Variants in COP1 observed in about 807,000 individuals in gnomAD.
The protein encoded by COP1 is E3 ubiquitin-protein ligase COP1.
In COP1, 24 loss-of-function variants were observed where a neutral mutation model predicts 101.3. That is an observed-to-expected ratio of 0.24 (90% CI 0.17 to 0.33). The LOEUF is 0.33. Among genes scored for constraint, COP1 ranks in the 10% least tolerant of loss-of-function variants. COP1 has a pLI of 1.00. For missense variants in COP1, 663 were observed against 906.2 expected (o/e 0.73, Z 3.45); for synonymous variants, 347 against 341.9 (o/e 1.01, Z -0.17).
intron 19 of COP1, among the ~76,000 whole-genome samples, chr1:175,946,237 T>C (rs911814855): frequency 6.6e-6 from 1 of 152,296 alleles, no homozygotes; most frequent in Non-Finnish European, 1.5e-5. Context: ...TCAGTGGTTC[T>C]CTAAAGAGGC....
At chr1:176,081,023 C>T in intron 11 of COP1, 129 bp downstream of exon 11, 1 of 811,066 alleles carries the variant, frequency 1.2e-6, no homozygotes. Flanking sequence ...TGCCTAAAAT[C>T]ACAGAACTAA....
intron 5 of COP1, among the ~76,000 whole-genome samples, chr1:176,157,664 C>T (rs1379912058): frequency 1.3e-5 from 2 of 152,138 alleles, no homozygotes; most frequent in Non-Finnish European, 2.9e-5. Flanking sequence ...TTCCAAGTAA[C>T]TTAACTACAT....
intron 9 of COP1, among the ~76,000 whole-genome samples, chr1:176,098,381 G>C (rs542895189): frequency 6.6e-6 from 1 of 152,166 alleles, no homozygotes; most frequent in Non-Finnish European, 1.5e-5. Context: ...AGAAGGTGTG[G>C]AAATGTAAAT....
At chr1:176,083,977 A>G (rs1679652356) in intron 10 of COP1, among the ~76,000 whole-genome samples, 1 of 152,202 alleles carries the variant, frequency 6.6e-6, no homozygotes, top group Non-Finnish European at 1.5e-5. Flanking sequence ...ACTGTCTTGT[A>G]AAGCTACACC....
intron 18 of COP1, among the ~76,000 whole-genome samples, chr1:175,976,058 G>A (rs1654451363): frequency 2.7e-5 from 1 of 37,388 alleles, no homozygotes; most frequent in Non-Finnish European, 1.9e-4. Flanking sequence ...AAAAGATGTA[G>A]AATTAGAAGG....
At chr1:175,977,529 C>A (rs1310336318) in intron 18 of COP1, among the ~76,000 whole-genome samples, 1 of 151,804 alleles carries the variant, frequency 6.6e-6, no homozygotes, top group Non-Finnish European at 1.5e-5. Flanking sequence ...ATTTGGGAAA[C>A]TGGTGAATAA....
At chr1:176,090,487 A>G (rs1681073658) in intron 9 of COP1, among the ~76,000 whole-genome samples, 1 of 152,184 alleles carries the variant, frequency 6.6e-6, no homozygotes, top group South Asian at 2.1e-4. Context: ...AGAAAGTAAG[A>G]TAATTTTCAA....
chr1:176,108,139 T>G (rs1342470579), intron 9 of COP1, among the ~76,000 whole-genome samples: 3 of 152,186 alleles, frequency 2.0e-5, no homozygotes, highest in African/African-American at 7.2e-5. Context: ...CATCAATTTT[T>G]TAATTTTGCT....
chr1:176,165,402 G>A (rs1194261397), intron 3 of COP1, among the ~76,000 whole-genome samples: 1 of 149,278 alleles, frequency 6.7e-6, no homozygotes, highest in South Asian at 2.1e-4. Flanking sequence ...GTGTGTGTGT[G>A]TGTGTAGGAG....
chr1:176,169,344 ATAC>A (rs1298388095), intron 3 of COP1, among the ~76,000 whole-genome samples: 15 of 152,204 alleles, frequency 9.9e-5, no homozygotes, highest in Admixed American at 8.5e-4. Flanking sequence ...GATCAATTGT[ATAC>A]TACTACTAAT....
rs192985335 is a variant in COP1 at position 176,125,847 on chromosome 1, A to G, written c.968+9163T>C. Among the ~76,000 whole-genome samples the G allele has an allele frequency of 7.6e-3, 1,164 of 152,264 alleles. 14 individuals carry two copies. Among genetic ancestry groups the G allele is most frequent in the Non-Finnish European group, 0.013 (911 of 68,012 alleles). The stretch of plus-strand genomic sequence containing the variant: ...ACATTTTAACAATATTGATTCTTCC[A>G]ATCATTAACATGGCATACCTTTCCA... On this transcript the variant is annotated intron_variant, in intron 8 of 19. Coordinates refer to ENST00000367669, the MANE Select transcript of COP1 (RefSeq NM_022457.7).
At chr1:176,064,814 G>GCATTTTGC (rs1047197193) in intron 11 of COP1, among the ~76,000 whole-genome samples, 24 of 151,994 alleles carry the variant, frequency 1.6e-4, no homozygotes, top group African/African-American at 5.8e-4. Context: ...TGTAGAGATG[G>GCATTTTGC]AGTTTCACCA....
intron 18 of COP1, among the ~76,000 whole-genome samples, chr1:175,966,077 C>G (rs1006076208): frequency 6.6e-6 from 1 of 152,106 alleles, no homozygotes; most frequent in African/African-American, 2.4e-5. Flanking sequence ...CTTTTTGTCC[C>G]TGACTTTTCT....
chr1:176,150,132 C>G (rs1692186909), intron 5 of COP1, among the ~76,000 whole-genome samples: 1 of 152,280 alleles, frequency 6.6e-6, no homozygotes, highest in African/African-American at 2.4e-5. Context: ...CAATTAAAAT[C>G]TGAAGAATCA....
At chr1:175,971,393 A>G (rs950040609) in intron 18 of COP1, among the ~76,000 whole-genome samples, 2 of 152,238 alleles carry the variant, frequency 1.3e-5, no homozygotes, top group Non-Finnish European at 2.9e-5. Flanking sequence ...CTTATTAAGC[A>G]AATATACAAA....
Position 176,059,992 on chromosome 1 carries a change from T to G in COP1, c.1278-13668A>C, listed in dbSNP as rs149091286. On this transcript the variant is annotated intron_variant, in intron 11 of 19. Coordinates refer to ENST00000367669, the MANE Select transcript of COP1 (RefSeq NM_022457.7). ...TGCTGACCTTAAACTGTTTTTTTAA[T>G]AGCAACCTGCTAGATAATTGCTGAC... is the stretch of plus-strand genomic sequence containing the variant. Among the ~76,000 whole-genome samples, 425 of 152,330 alleles carry G rather than the reference T, an allele frequency of 2.8e-3. 1 individual carries two copies. Among genetic ancestry groups the G allele is most frequent in the African/African-American group, 9.8e-3 (408 of 41,584 alleles).
chr1:176,141,337 C>T (rs1427776327), intron 6 of COP1, among the ~76,000 whole-genome samples: 3 of 152,010 alleles, frequency 2.0e-5, no homozygotes, highest in African/African-American at 7.2e-5. Flanking sequence ...CCTGTCTCTA[C>T]TAAAAATATA....
chr1:176,014,002 CTGAT>C (rs1192753073), intron 15 of COP1, among the ~76,000 whole-genome samples: 2 of 152,072 alleles, frequency 1.3e-5, no homozygotes, highest in Non-Finnish European at 2.9e-5. Context: ...GGTGGGAACA[CTGAT>C]TAATTATATG....
chr1:176,051,499 G>C (rs1282716497), intron 11 of COP1, among the ~76,000 whole-genome samples: 3 of 152,072 alleles, frequency 2.0e-5, no homozygotes, highest in Non-Finnish European at 4.4e-5. Context: ...ACATATACTT[G>C]AAAATAAACA....
Sources: allele counts gnomAD v4.1 joint callset (sites outside exome capture counted in the v4.1 genomes callset), GRCh38; gene constraint gnomAD v4.1.1; transcripts MANE v1.5; gene names NCBI Gene and HGNC (gene_info 2026-07-23, HGNC 2026-07-21).